Variants in ABHD6 observed in about 807,000 individuals in gnomAD.
The protein encoded by ABHD6 is abhydrolase domain containing 6, acylglycerol lipase, also known as monoacylglycerol lipase ABHD6.
In ABHD6, 33 loss-of-function variants were observed where a neutral mutation model predicts 38.8. That is an observed-to-expected ratio of 0.85 (90% confidence interval 0.64 to 1.14). ABHD6 has a LOEUF of 1.14. Ranked by LOEUF, ABHD6 falls within the 50% of genes most tolerant of loss-of-function variation. The pLI is 0.00. For missense variants in ABHD6, 380 were observed against 422.6 expected, an observed-to-expected ratio of 0.90 and a Z score of 0.88; for synonymous variants, 147 against 161.6, an observed-to-expected ratio of 0.91 and a Z score of 0.69.
At chr3:58,258,127 G>A (rs937301066) in intron 3 of ABHD6, among the ~76,000 whole-genome samples, 8 of 152,068 alleles carry the variant, frequency 5.3e-5, no homozygotes, top group Non-Finnish European at 8.8e-5. Flanking sequence ...GACCAACATG[G>A]AGAAACCCAA....
chr3:58,293,885 A>G lies in ABHD6; in HGVS notation c.*120A>G. On this transcript the variant is annotated 3_prime_UTR_variant, in exon 10 of 10. Coordinates refer to ENST00000478253, the MANE Select transcript of ABHD6 (RefSeq NM_001320126.2). The surrounding 1 kb of genome is among the most constrained non-coding windows in gnomAD (Gnocchi z 4.4). ...GGTCGGAGCGCCAGTGACCCTGAGG[A>G]AGCCCGTCCCTTATCCCTGGTATCC... 1 of 1,150,164 alleles carries G rather than the reference A, an allele frequency of 8.7e-7. No homozygotes were observed. Among genetic ancestry groups the G allele is most frequent in the South Asian group, 1.6e-5 (1 of 61,024 alleles). 71.2% of individuals were successfully genotyped at this position (1,150,164 alleles called of 1,614,324 possible). A position where few individuals can be genotyped will look rare whatever the true frequency, so the allele number is the denominator to read the frequency against.
intron 9 of ABHD6, among the ~76,000 whole-genome samples, chr3:58,290,109 G>A (rs2097460866): frequency 1.6e-5 from 2 of 122,982 alleles, no homozygotes; most frequent in African/African-American, 6.9e-5. Flanking sequence ...TTCCCAGTAG[G>A]GGCGGCCGGG....
intron 6 of ABHD6, among the ~76,000 whole-genome samples, chr3:58,271,672 ATTTG>A (rs2097444968): frequency 1.3e-5 from 2 of 151,188 alleles, no homozygotes; most frequent in South Asian, 4.2e-4. Context: ...GGATTTTTAA[ATTTG>A]TTTTTCTTCT....
In ABHD6 at chr3:58,285,213, A is replaced by T; in HGVS notation, c.736+74A>T. 2 of 1,559,218 alleles carry T rather than the reference A, an allele frequency of 1.3e-6. No homozygotes were observed. The highest frequency in any genetic ancestry group is 1.8e-6 in the Non-Finnish European group (2 of 1,130,288). The stretch of plus-strand genomic sequence containing the variant: ...TGGATGGATGGCTTTTATTTCTTAA[A>T]TCTCTGACACTTTGAATGTCTCTTT... On this transcript the variant is annotated intron_variant, in intron 8 of 9. Transcript: ENST00000478253. This position sits in a 1 kb window ranked among gnomAD's most constrained non-coding sequence, Gnocchi z 4.9.
At position 58,238,351 on chromosome 3, in the gene ABHD6, T is replaced by A. The variant is rs1368737471; in HGVS notation, c.-91+435T>A. On this transcript the variant is annotated intron_variant, in intron 1 of 9. Transcript: ENST00000478253. The surrounding 1 kb of genome is among the most constrained non-coding windows in gnomAD (Gnocchi z 6.9). ...CCCACCCAGATAGCATCTTGCTCCGTGTCACGCGCCGCCTCCGCGCCGTCC... is the reference window on the plus strand; with the variant it reads ...CCCACCCAGATAGCATCTTGCTCCGAGTCACGCGCCGCCTCCGCGCCGTCC... 1 of 152,296 alleles carries A rather than the reference T, an allele frequency of 6.6e-6. No homozygotes were observed. The highest frequency in any genetic ancestry group is 1.5e-5 in the Non-Finnish European group (1 of 68,200). 9.4% of individuals were successfully genotyped at this position (152,296 alleles called of 1,614,324 possible).
chr3:58,241,739 A>G (rs2097422957), intron 1 of ABHD6, among the ~76,000 whole-genome samples: 1 of 152,232 alleles, frequency 6.6e-6, no homozygotes, highest in African/African-American at 2.4e-5. Context: ...AGCAGTGGCC[A>G]TGCAGGGTGG....
rs1341661437 is a variant in ABHD6, at chr3:58,273,350, A to G, written c.524-1308A>G. ...TAAGAGAGGAGGATTGCTTGAGGCCAGGAGTTCAAGACCAGCCTAAGGGAG... is the reference window on the plus strand; with the variant it reads ...TAAGAGAGGAGGATTGCTTGAGGCCGGGAGTTCAAGACCAGCCTAAGGGAG... On this transcript the variant is annotated intron_variant, in intron 6 of 9. Transcript: ENST00000478253. The surrounding 1 kb of genome is among the most constrained non-coding windows in gnomAD (Gnocchi z 4.8). 1.3e-5 allele frequency among the ~76,000 whole-genome samples: 2 copies of G among 152,162 alleles called. No individual in the cohort carries two copies. Among genetic ancestry groups the G allele is most frequent in the Non-Finnish European group, 2.9e-5 (2 of 68,032 alleles).
chr3:58,274,924 C>T, intron 7 of ABHD6, 109 bp downstream of exon 7: 1 of 1,320,520 alleles, frequency 7.6e-7, no homozygotes, highest in Non-Finnish European at 1.0e-6. Context: ...TACTTCTTGT[C>T]CTCTTCTGCA....
chr3:58,256,947 A>G lies in ABHD6; in HGVS notation c.119+242A>G, dbSNP rs1341952670. Among the ~76,000 whole-genome samples, 2 of 152,188 alleles carry G rather than the reference A, an allele frequency of 1.3e-5. No individual in the cohort carries two copies. Among genetic ancestry groups the G allele is most frequent in the Non-Finnish European group, 2.9e-5 (2 of 68,028 alleles). ...GAGACAGAGTTGTGCTCTGTTGCCC[A>G]GGCTGGAGTGCAGTGGGATGATCTC... On this transcript the variant is annotated intron_variant, in intron 3 of 9. Transcript: ENST00000478253. This position sits in a 1 kb window ranked among gnomAD's most constrained non-coding sequence, Gnocchi z 4.3.
chr3:58,279,162 C>T (rs1415226695), intron 7 of ABHD6, among the ~76,000 whole-genome samples: 1 of 152,082 alleles, frequency 6.6e-6, no homozygotes, highest in African/African-American at 2.4e-5. Flanking sequence ...TCCTTGTTAA[C>T]CTTCTGTCTC....
At chr3:58,258,190 C>T (rs1033200843) in intron 3 of ABHD6, among the ~76,000 whole-genome samples, 27 of 152,184 alleles carry the variant, frequency 1.8e-4, no homozygotes, top group African/African-American at 6.5e-4. Flanking sequence ...GCCTGTAATC[C>T]CAGCTACTCG....
At chr3:58,261,633 C>G (rs2097437040) in intron 3 of ABHD6, among the ~76,000 whole-genome samples, 1 of 152,162 alleles carries the variant, frequency 6.6e-6, no homozygotes, top group Non-Finnish European at 1.5e-5. Context: ...CAGTTGTGAG[C>G]CACCATGCCC....
At chr3:58,253,084 G>T (rs2107430092) in intron 2 of ABHD6, among the ~76,000 whole-genome samples, 1 of 152,204 alleles carries the variant, frequency 6.6e-6, no homozygotes, top group Admixed American at 6.5e-5. Context: ...ACTTTATTCT[G>T]CTGTTAAATA....
intron 6 of ABHD6, among the ~76,000 whole-genome samples, chr3:58,271,766 G>GTTTTTTTTTTTTT (rs3038091): frequency 1.3e-4 from 8 of 63,632 alleles, no homozygotes; most frequent in Admixed American, 2.4e-4. Flanking sequence ...CCCTCTCTCT[G>GTTTTTTTTTTTTT]TTTTTTTTTT....
At chr3:58,291,239 G>A (rs1264395544) in intron 9 of ABHD6, among the ~76,000 whole-genome samples, 11 of 150,868 alleles carry the variant, frequency 7.3e-5, no homozygotes, top group Admixed American at 4.0e-4. Context: ...CCAGTCAGGC[G>A]TGGCAGTGTG....
chr3:58,269,283 A>C lies in ABHD6; in HGVS notation c.277-38A>C, dbSNP rs771181328. ...AAGAAAATGGGCAGACATGTTTTGC[A>C]CACCACATACTGACTCTCTGGGTCT... On this transcript the variant is annotated intron_variant, in intron 4 of 9. Coordinates refer to ENST00000478253, the MANE Select transcript of ABHD6 (RefSeq NM_001320126.2). This position sits in a 1 kb window ranked among gnomAD's most constrained non-coding sequence, Gnocchi z 4.4. 1.3e-6 allele frequency: 2 copies of C among 1,528,606 alleles called. No homozygotes were observed. Among genetic ancestry groups the C allele is most frequent in the South Asian group, 1.1e-5 (1 of 88,624 alleles). The allele number at this position is 1,528,606 out of a possible 1,614,324, so 94.7% of individuals were successfully genotyped here.
chr3:58,241,521 T>C (rs905427863), intron 1 of ABHD6, among the ~76,000 whole-genome samples: 1 of 152,218 alleles, frequency 6.6e-6, no homozygotes, highest in Non-Finnish European at 1.5e-5. Flanking sequence ...TTTTAAGTAA[T>C]ATATTAACAG....
rs1334415339 is a variant in ABHD6 at position 58,265,851 on chromosome 3, A to G, written c.120-1338A>G. ...GCAAGAGGGGACCAGACTCACTTTTATCAGGAATCTACTCCCTCAATAATA... is the reference window on the plus strand; with the variant it reads ...GCAAGAGGGGACCAGACTCACTTTTGTCAGGAATCTACTCCCTCAATAATA... On this transcript the variant is annotated intron_variant, in intron 3 of 9. Coordinates refer to ENST00000478253, the MANE Select transcript of ABHD6 (RefSeq NM_001320126.2). The surrounding 1 kb of genome is among the most constrained non-coding windows in gnomAD (Gnocchi z 4.2). 6.6e-6 allele frequency among the ~76,000 whole-genome samples: 1 copy of G among 152,214 alleles called. No individual in the cohort carries two copies. The highest frequency in any genetic ancestry group is 1.9e-4 in the East Asian group (1 of 5,198).
At chr3:58,244,826 C>G (rs898566649) in intron 1 of ABHD6, among the ~76,000 whole-genome samples, 2 of 151,790 alleles carry the variant, frequency 1.3e-5, no homozygotes, top group Non-Finnish European at 2.9e-5. Context: ...TTTACTATTG[C>G]TTTTAAAATA....
Sources: allele counts gnomAD v4.1 joint callset (sites outside exome capture counted in the v4.1 genomes callset), GRCh38; gene constraint gnomAD v4.1.1; non-coding constraint Gnocchi (gnomAD v3.1); transcripts MANE v1.5; gene names NCBI Gene and HGNC (gene_info 2026-07-23, HGNC 2026-07-21).